The following ERICH1 variants were observed in gnomAD, a reference collection of about 807,000 sequenced individuals.
ERICH1 encodes glutamate rich 1, also known as glutamate-rich protein 1.
Under a neutral mutation model 39.6 loss-of-function variants are expected in ERICH1, and 56 were observed. The observed-to-expected ratio is 1.41, with a 90% CI of 1.14 to 1.77. The LOEUF (loss-of-function observed/expected upper bound fraction) is 1.77, where lower values mean the gene tolerates loss of function less well. Among genes scored for constraint, ERICH1 ranks in the 40% most tolerant of loss-of-function variants. ERICH1 has a pLI of 0.00. For missense variants in ERICH1, 826 were observed against 575.4 expected, an observed-to-expected ratio of 1.44 and a Z score of -4.45; for synonymous variants, 313 against 223.6, an observed-to-expected ratio of 1.40 and a Z score of -3.57.
rs545425763 is a variant in ERICH1 at position 674,109 on chromosome 8, G to A, written c.305-62C>T. On this transcript the variant is annotated intron_variant, in intron 3 of 5. Transcript: ENST00000262109. ...AATGAAACCATAACAAACATATTAG[G>A]CTAAATAAATTTTCCATCAGGATCT... 1.4e-4 allele frequency: 204 copies of A among 1,470,172 alleles called. No homozygotes were observed. The African/African-American group carries it at 2.5e-3, about 18-fold the overall frequency. The allele number at this position is 1,470,172 out of a possible 1,614,324, so 91.1% of individuals were successfully genotyped here.
chr8:688,044 G>C (rs906635232), intron 3 of ERICH1, among the ~76,000 whole-genome samples: 2 of 152,122 alleles, frequency 1.3e-5, no homozygotes, highest in African/African-American at 4.8e-5. Context: ...AGGCGGGGGA[G>C]ACGCGCGGCG....
At position 668,541 on chromosome 8, in the gene ERICH1, G is replaced by A. The variant is rs181922694; in HGVS notation, c.1258+57C>T. 6.8e-4 allele frequency: 1,083 copies of A among 1,598,690 alleles called. 13 individuals are homozygous for A. The African/African-American group carries it at 0.013, about 19-fold the overall frequency. On this transcript the variant is annotated intron_variant, in intron 5 of 5. Coordinates refer to ENST00000262109, the MANE Select transcript of ERICH1 (RefSeq NM_207332.3). ...TTGGTGGCGTGTAAGTCTTTCAGAG[G>A]CAAACCTCGATGAGAGTATCTTAAG...
At chr8:689,217 T>C (rs376510982) in intron 3 of ERICH1, among the ~76,000 whole-genome samples, 1 of 152,188 alleles carries the variant, frequency 6.6e-6, no homozygotes, top group Non-Finnish European at 1.5e-5. Flanking sequence ...GTTCAAGCGA[T>C]TCTCAGGCCT....
chr8:653,109 C>G (rs551310350), intron 3 of ERICH1, among the ~76,000 whole-genome samples: 2 of 152,180 alleles, frequency 1.3e-5, no homozygotes, highest in African/African-American at 4.8e-5. Flanking sequence ...TGGGCATAAA[C>G]CCCCAAACTG....
chr8:624,802 C>A (rs1797505685), intron 3 of ERICH1, among the ~76,000 whole-genome samples: 1 of 152,162 alleles, frequency 6.6e-6, no homozygotes, highest in African/African-American at 2.4e-5. Flanking sequence ...TCTCGGCTCA[C>A]TGCAAGCTCT....
chr8:712,182 A>G (rs1475359910), intron 2 of ERICH1, among the ~76,000 whole-genome samples: 1 of 152,334 alleles, frequency 6.6e-6, no homozygotes, highest in Non-Finnish European at 1.5e-5. Context: ...TATCCACAAA[A>G]TAACTTGCTG....
intron 4 of ERICH1, among the ~76,000 whole-genome samples, chr8:669,630 C>T (rs563999150): frequency 3.3e-5 from 5 of 152,368 alleles, no homozygotes; most frequent in East Asian, 1.9e-4. Context: ...TCTGGTGAGA[C>T]GCCTTCCCTG....
intron 1 of ERICH1, among the ~76,000 whole-genome samples, chr8:720,215 G>T (rs1816973030): frequency 6.6e-6 from 1 of 152,212 alleles, no homozygotes; most frequent in Admixed American, 6.5e-5. Context: ...GGCAAATGCA[G>T]GCCGCGCAGA....
At chr8:643,983 G>A (rs184848974) in intron 3 of ERICH1, among the ~76,000 whole-genome samples, 8 of 152,200 alleles carry the variant, frequency 5.3e-5, no homozygotes, top group African/African-American at 9.6e-5. Flanking sequence ...CTGACGGGGC[G>A]GGGGCGGCTC....
At chr8:621,816 A>C (rs1584934767) in intron 3 of ERICH1, among the ~76,000 whole-genome samples, 1 of 152,238 alleles carries the variant, frequency 6.6e-6, no homozygotes, top group Non-Finnish European at 1.5e-5. Flanking sequence ...TAATATCAAC[A>C]ATTATGAGCC....
intron 1 of ERICH1, among the ~76,000 whole-genome samples, chr8:728,871 G>C (rs1819391011): frequency 6.6e-6 from 1 of 152,108 alleles, no homozygotes; most frequent in African/African-American, 2.4e-5. Flanking sequence ...TTGTTACAGG[G>C]AAACTGTCAC....
intron 3 of ERICH1, chr8:637,660 G>A (rs1194058589): frequency 3.3e-5 from 5 of 152,328 alleles, no homozygotes; most frequent in African/African-American, 4.8e-5. Flanking sequence ...TGACCTCACA[G>A]GGCCACAGAA....
intron 1 of ERICH1, among the ~76,000 whole-genome samples, chr8:730,020 G>A (rs998352745): frequency 3.9e-5 from 6 of 152,090 alleles, no homozygotes; most frequent in Admixed American, 6.5e-5. Flanking sequence ...GCAGCTGACC[G>A]TCAGGTCTGC....
rs113516663 is a variant in ERICH1, at chr8:679,265, G to C, written c.305-5218C>G. On this transcript the variant is annotated intron_variant, in intron 3 of 5. Coordinates refer to ENST00000262109, the MANE Select transcript of ERICH1 (RefSeq NM_207332.3). ...TTCAGCTCCGACCCCTCACAGCTTT[G>C]ATCCCTCACAGCTCCTACTGCTCAC... 1.5e-3 allele frequency among the ~76,000 whole-genome samples: 192 copies of C among 129,240 alleles called. 1 individual carries two copies. Among genetic ancestry groups the C allele is most frequent in the African/African-American group, 5.5e-3 (184 of 33,350 alleles). The allele number at this position is 129,240 out of a possible 152,430, so 84.8% of individuals were successfully genotyped here.
chr8:658,612 G>A (rs566066913), intron 3 of ERICH1, among the ~76,000 whole-genome samples: 22 of 152,278 alleles, frequency 1.4e-4, no homozygotes, highest in Non-Finnish European at 2.6e-4. Context: ...GGCTGCATTT[G>A]GAGACAAGAC....
In ERICH1 at chr8:630,146, C is replaced by G. The variant is rs1453940224; in HGVS notation, c.977-14862G>C. On this transcript the variant is annotated intron_variant, in intron 3 of 3. Coordinates refer to the ERICH1 transcript ENST00000522706. Reference sequence around the variant, plus strand: ...CCACACAGACAGAGCTGACTCACACCCTCCCGTGACCACCCACACAGACAG... The same window carrying G: ...CCACACAGACAGAGCTGACTCACACGCTCCCGTGACCACCCACACAGACAG... 7.1e-5 allele frequency among the ~76,000 whole-genome samples: 9 copies of G among 126,068 alleles called. No individual in the cohort carries two copies. In the East Asian group the frequency reaches 1.4e-3, roughly 20 times the overall value. The allele number at this position is 126,068 out of a possible 152,430, so 82.7% of individuals were successfully genotyped here.
At chr8:713,010 G>A (rs979790156) in intron 2 of ERICH1, among the ~76,000 whole-genome samples, 6 of 152,372 alleles carry the variant, frequency 3.9e-5, no homozygotes, top group South Asian at 2.1e-4. Flanking sequence ...CTCACAGCCC[G>A]GAAGGCTGGA....
chr8:624,457 T>C (rs1424920392), intron 3 of ERICH1, among the ~76,000 whole-genome samples: 2 of 152,246 alleles, frequency 1.3e-5, no homozygotes, highest in African/African-American at 4.8e-5. Flanking sequence ...CCAAAGCTTG[T>C]ACGTGATTGC....
intron 3 of ERICH1, among the ~76,000 whole-genome samples, chr8:634,394 G>A (rs1376298846): frequency 6.6e-6 from 1 of 152,004 alleles, no homozygotes; most frequent in African/African-American, 2.4e-5. Context: ...ATGTGAAATG[G>A]TGCAGCTACC....
Sources: allele counts gnomAD v4.1 joint callset (sites outside exome capture counted in the v4.1 genomes callset), GRCh38; gene constraint gnomAD v4.1.1; transcripts MANE v1.5; gene names NCBI Gene and HGNC (gene_info 2026-07-23, HGNC 2026-07-21).